CEP72: variants seen among roughly 807,000 people sequenced by gnomAD.
CEP72 encodes the protein centrosomal protein 72.
Under a neutral mutation model 65.7 loss-of-function variants are expected in CEP72, and 78 were observed. The observed-to-expected ratio is 1.19, with a 90% confidence interval of 0.99 to 1.43. The LOEUF is 1.43. CEP72 is among the 40% of genes most tolerant of loss of function. CEP72 has a pLI of 0.00. For missense variants in CEP72, 914 were observed against 832.9 expected, an observed-to-expected ratio of 1.10 and a Z score of -1.20; for synonymous variants, 358 against 351.7, an observed-to-expected ratio of 1.02 and a Z score of -0.20.
chr5:645,037 T>C lies in CEP72; in HGVS notation c.1666+612T>C, dbSNP rs559403959. 6.2e-4 allele frequency among the ~76,000 whole-genome samples: 95 copies of C among 152,308 alleles called. No homozygotes were observed. The highest frequency in any genetic ancestry group is 1.2e-3 in the Non-Finnish European group (81 of 68,040). ...CTGCTGTCCACGGTAACCTTCTCGG[T>C]GTGGCGTGGAGTCTCTTGGAAGTTT... is the stretch of plus-strand genomic sequence containing the variant. On this transcript the variant is annotated intron_variant, in intron 10 of 11. Transcript: ENST00000264935. The surrounding 1 kb of genome is among the most constrained non-coding windows in gnomAD (Gnocchi z 4.0).
At chr5:639,748 C>G (rs1338518987) in intron 8 of CEP72, among the ~76,000 whole-genome samples, 1 of 152,178 alleles carries the variant, frequency 6.6e-6, no homozygotes, top group African/African-American at 2.4e-5. Flanking sequence ...ACTGGGAGAC[C>G]AGGAGATGCC....
At position 653,318 on chromosome 5, in the gene CEP72, A is replaced by T; in HGVS notation, c.*165A>T. The stretch of plus-strand genomic sequence containing the variant: ...TTCAGGACCTGTAGCTTGGTTTTCT[A>T]AAGCACCTCGTAAAATGATATGATT... On this transcript the variant is annotated 3_prime_UTR_variant, in exon 12 of 12. Transcript: ENST00000264935. 3 of 589,134 alleles carry T rather than the reference A, an allele frequency of 5.1e-6. No homozygotes were observed. The allele number at this position is 589,134 out of a possible 1,614,324, so 36.5% of individuals were successfully genotyped here. A position where few individuals can be genotyped will look rare whatever the true frequency, so the allele number is the denominator to read the frequency against.
chr5:644,300 A>G lies in CEP72; in HGVS notation c.1541A>G (p.Asp514Gly), dbSNP rs150656419. The change falls in exon 10 of 12, where the codon GAT becomes GGT. Residue 514 changes from aspartate to glycine, a missense_variant and splice_region_variant. By Grantham distance (94) the Asp-to-Gly change is moderately conservative. Transcript: ENST00000264935. Reference sequence around the variant, plus strand: ...TAAGTGTATTTTCTGTGTCCGCAGGATGATTTGAGACAACATTTAGATAAA... The same window carrying G: ...TAAGTGTATTTTCTGTGTCCGCAGGGTGATTTGAGACAACATTTAGATAAA... Reference protein sequence around the residue: ...AELHHTHKELDDLRQHLDKSL... With the variant: ...AELHHTHKELGDLRQHLDKSL... 1.9e-6 allele frequency: 3 copies of G among 1,613,272 alleles called. No homozygotes were observed. Among genetic ancestry groups the G allele is most frequent in the Non-Finnish European group, 1.7e-6 (2 of 1,179,744 alleles).
the CEP72 span, among the ~76,000 whole-genome samples, chr5:675,461 CACAGGGGGTGCAGT>C: frequency 6.0e-5 from 1 of 16,722 alleles, no homozygotes; most frequent in Non-Finnish European, 9.6e-5. Flanking sequence ...TGGGGTGCAG[CACAGGGGGTGCAGT>C]GTGGCCAGGG....
exon 3 of CEP72, chr5:665,218 G>C: frequency 1.2e-6 from 2 of 1,613,874 alleles, no homozygotes; most frequent in African/African-American, 1.3e-5. Context: ...TTGCCAGAGG[G>C]GTCGAAGCGC....
chr5:653,287 A>C lies in CEP72; in HGVS notation c.*134A>C. On this transcript the variant is annotated 3_prime_UTR_variant, in exon 12 of 12. Coordinates refer to ENST00000264935, the MANE Select transcript of CEP72 (RefSeq NM_018140.4). ...GTTGGTAATTATTTAGGATTTTTGG[A>C]ATGTATTCAGGACCTGTAGCTTGGT... 1.1e-6 allele frequency: 1 copy of C among 934,632 alleles called. No individual in the cohort carries two copies. The highest frequency in any genetic ancestry group is 2.1e-5 in the South Asian group (1 of 48,694). The allele number at this position is 934,632 out of a possible 1,614,324, so 57.9% of individuals were successfully genotyped here. A position where few individuals can be genotyped will look rare whatever the true frequency, so the allele number is the denominator to read the frequency against.
chr5:612,588 G>A (rs1004407245), intron 1 of CEP72, 145 bp downstream of exon 1: 14 of 1,226,388 alleles, frequency 1.1e-5, no homozygotes, highest in Middle Eastern at 6.4e-4. Flanking sequence ...GGCGAGCGGG[G>A]CGCGCGTGTC....
In CEP72 at chr5:616,782, C is replaced by T. The variant is rs574466908; in HGVS notation, c.83-2208C>T. Among the ~76,000 whole-genome samples the T allele has an allele frequency of 1.7e-3, 263 of 150,348 alleles. 1 individual carries two copies. The highest frequency in any genetic ancestry group is 6.2e-3 in the African/African-American group (253 of 40,658). On this transcript the variant is annotated intron_variant, in intron 1 of 11. Coordinates refer to ENST00000264935, the MANE Select transcript of CEP72 (RefSeq NM_018140.4). The stretch of plus-strand genomic sequence containing the variant: ...CCCGGTGCTGGCTGCTGCGCAAGGC[C>T]AGGTGGACGAGGGGTGTGTGTGTGT...
chr5:656,501 TTTG>T (rs1440062541), downstream of CEP72, among the ~76,000 whole-genome samples: 1 of 148,418 alleles, frequency 6.7e-6, no homozygotes, highest in Non-Finnish European at 1.5e-5. Context: ...TTGTATGTCT[TTTG>T]TTACATTTAA....
chr5:625,241 A>G (rs1736677495), intron 4 of CEP72, among the ~76,000 whole-genome samples: 1 of 152,240 alleles, frequency 6.6e-6, no homozygotes, highest in Non-Finnish European at 1.5e-5. Context: ...AGGGGCAGAA[A>G]TCAGTGGACT....
the CEP72 span, among the ~76,000 whole-genome samples, chr5:675,541 C>A: frequency 0.016 from 679 of 42,858 alleles, 15 homozygotes; most frequent in African/African-American, 0.055. Context: ...CCGGGGATGC[C>A]GTGTGGCCGG....
chr5:619,934 ACTTTTC>A, intron 2 of CEP72, 129 bp from the exon 3 acceptor site: 5 of 712,810 alleles, frequency 7.0e-6, no homozygotes, highest in Non-Finnish European at 1.1e-5. Flanking sequence ...TCATTTTTCT[ACTTTTC>A]CTGGTAATGA....
At chr5:655,114 A>G (rs891645496), downstream of CEP72, among the ~76,000 whole-genome samples, 2 of 152,170 alleles carry the variant, frequency 1.3e-5, no homozygotes, top group African/African-American at 4.8e-5. This position sits in a 1 kb window ranked among gnomAD's most constrained non-coding sequence, Gnocchi z 5.0. Context: ...TAATCCCAGC[A>G]CTTTGGGAGG....
chr5:668,878 G>T (rs574534686), downstream of CEP72, among the ~76,000 whole-genome samples: 1 of 152,200 alleles, frequency 6.6e-6, no homozygotes, highest in African/African-American at 2.4e-5. Flanking sequence ...CACCCAACGC[G>T]GTGGGTGCCA....
At chr5:660,084 ATCAGCAGAAGTGGCTTTCAGAG>A (rs1347747275), downstream of CEP72, 1 of 152,288 alleles carries the variant, frequency 6.6e-6, no homozygotes, top group African/African-American at 2.4e-5. Flanking sequence ...CGGTTTAGAC[ATCAGCAGAAGTGGCTTTCAGAG>A]TCAGAACAGC....
chr5:628,179 G>A (rs12517345), intron 4 of CEP72, among the ~76,000 whole-genome samples: 19,785 of 152,322 alleles, frequency 0.13, 1,648 homozygotes, highest in Non-Finnish European at 0.19. Flanking sequence ...TTGTGTCCCG[G>A]CGTGAAAGCT....
intron 7 of CEP72, among the ~76,000 whole-genome samples, chr5:638,866 G>A (rs917510450): frequency 6.6e-6 from 1 of 152,132 alleles, no homozygotes; most frequent in Non-Finnish European, 1.5e-5. Flanking sequence ...GCCCCGTCCT[G>A]TCCTGTCATC....
intron 1 of CEP72, among the ~76,000 whole-genome samples, chr5:616,425 C>T (rs1007414419): frequency 9.3e-5 from 14 of 151,074 alleles, no homozygotes; most frequent in Non-Finnish European, 1.6e-4. Context: ...ACTTTAAAAT[C>T]CTTGTTAGAC....
At chr5:613,008 AT>A (rs1348360380) in intron 1 of CEP72, among the ~76,000 whole-genome samples, 1 of 152,240 alleles carries the variant, frequency 6.6e-6, no homozygotes, top group East Asian at 1.9e-4. Flanking sequence ...GTGAAACCAT[AT>A]GGACATGTCA....
Sources: allele counts gnomAD v4.1 joint callset (sites outside exome capture counted in the v4.1 genomes callset), GRCh38; gene constraint gnomAD v4.1.1; non-coding constraint Gnocchi (gnomAD v3.1); transcripts MANE v1.5; gene names NCBI Gene and HGNC (gene_info 2026-07-23, HGNC 2026-07-21).